Variants in HOXD11 observed in about 807,000 individuals in gnomAD.
The protein encoded by HOXD11 is homeobox D11.
HOXD11 carries 16 observed loss-of-function variants against 23.1 expected under a neutral mutation model. That is an observed-to-expected ratio of 0.69 (90% CI 0.47 to 1.05). The LOEUF (loss-of-function observed/expected upper bound fraction) is 1.05, where lower values mean the gene tolerates loss of function less well. Among genes scored for constraint, HOXD11 ranks in the 50% least tolerant of loss-of-function variants. The pLI is 0.00. For synonymous variants in HOXD11, 262 were observed against 224.4 expected, an observed-to-expected ratio of 1.17 and a Z score of -1.50; for missense variants, 564 against 495.6, an observed-to-expected ratio of 1.14 and a Z score of -1.31.
intron 1 of HOXD11, 85 bp from the exon 2 acceptor site, chr2:176,108,822 C>G: frequency 1.1e-6 from 1 of 908,132 alleles, no homozygotes; most frequent in Non-Finnish European, 1.7e-6. Context: ...CAGGGCCTGG[C>G]CCTCGCTCAG....
chr2:176,109,757 C>T (rs1294654489), downstream of HOXD11: 1 of 179,284 alleles, frequency 5.6e-6, no homozygotes, highest in East Asian at 9.3e-5. Context: ...CTTTTTAGTC[C>T]CACTAAAATA....
Position 176,107,434 on chromosome 2 carries a change from G to A in HOXD11, c.79G>A (p.Asp27Asn). ...CTGCGCCTACTATGTGGCCCCGTCTGACTTCGCTAGCAAGCCTTCGTTCCT... is the reference window on the plus strand; with the variant it reads ...CTGCGCCTACTATGTGGCCCCGTCTAACTTCGCTAGCAAGCCTTCGTTCCT... ...PGCAYYVAPS[D>N]FASKPSFLSQ... Residue 27 changes from aspartate to asparagine, a missense_variant, in exon 1 of 2, where the codon GAC (aspartate) becomes AAC (asparagine). By Grantham distance (23) the Asp-to-Asn change is conservative. Transcript: ENST00000249504. 1.2e-6 allele frequency: 2 copies of A among 1,613,922 alleles called. No homozygotes were observed. The highest frequency in any genetic ancestry group is 1.7e-6 in the Non-Finnish European group (2 of 1,179,924).
At position 176,109,436 on chromosome 2, in the gene HOXD11, G is replaced by C. The variant is rs1459505765; in HGVS notation, c.*294G>C. On this transcript the variant is annotated 3_prime_UTR_variant, in exon 2 of 2. Coordinates refer to ENST00000249504, the MANE Select transcript of HOXD11 (RefSeq NM_021192.3). The stretch of plus-strand genomic sequence containing the variant: ...CTCCCCCTCTCCGAGTCCTCGTGGG[G>C]ACACGGCGGGGTCTGTAGGAAGTTG... 2 of 370,720 alleles carry C rather than the reference G, an allele frequency of 5.4e-6. No homozygotes were observed. Among genetic ancestry groups the C allele is most frequent in the African/African-American group, 4.1e-5 (2 of 49,324 alleles). 23.0% of individuals were successfully genotyped at this position (370,720 alleles called of 1,614,324 possible). A position where few individuals can be genotyped will look rare whatever the true frequency, so the allele number is the denominator to read the frequency against.
chr2:176,110,761 A>G (rs75686465), downstream of HOXD11, among the ~76,000 whole-genome samples: 1,248 of 152,374 alleles, frequency 8.2e-3, 9 homozygotes, highest in African/African-American at 0.029. Context: ...ACACAAAATC[A>G]TACCAGGAGC....
At chr2:176,112,934 C>A (rs1335371493), downstream of HOXD11, among the ~76,000 whole-genome samples, 1 of 152,172 alleles carries the variant, frequency 6.6e-6, no homozygotes, top group Non-Finnish European at 1.5e-5. Flanking sequence ...GTGGGGCTTG[C>A]GGAGAGTGGC....
At chr2:176,113,248 G>A (rs114805641), downstream of HOXD11, among the ~76,000 whole-genome samples, 1,345 of 152,248 alleles carry the variant, frequency 8.8e-3, 19 homozygotes, top group African/African-American at 0.031. Context: ...CCCTAATCCG[G>A]GGTGACCCTA....
At chr2:176,110,730 G>A (rs2105389708), downstream of HOXD11, among the ~76,000 whole-genome samples, 1 of 152,220 alleles carries the variant, frequency 6.6e-6, no homozygotes, top group Middle Eastern at 3.4e-3. Flanking sequence ...CATATAGAGA[G>A]CCACACACAC....
At chr2:176,108,195 G>GGGGGGGGCC in intron 1 of HOXD11, 59 bp downstream of exon 1, 1 of 249,476 alleles carries the variant, frequency 4.0e-6, no homozygotes. Flanking sequence ...GGGGGGGGGG[G>GGGGGGGGCC]CGGAGGCCTC....
At chr2:176,113,048 C>G (rs1326419635), downstream of HOXD11, among the ~76,000 whole-genome samples, 6 of 152,192 alleles carry the variant, frequency 3.9e-5, no homozygotes, top group African/African-American at 1.4e-4. Context: ...CGGCCGCCGG[C>G]CCTTGTTGCA....
At chr2:176,114,341 T>C (rs1689718498), downstream of HOXD11, among the ~76,000 whole-genome samples, 1 of 152,186 alleles carries the variant, frequency 6.6e-6, no homozygotes, top group Non-Finnish European at 1.5e-5. Context: ...GTTTTGTTTT[T>C]CCGGCCATCC....
intron 1 of HOXD11, 160 bp from the exon 2 acceptor site, chr2:176,108,747 A>G (rs1689627019): frequency 1.8e-5 from 11 of 599,092 alleles, no homozygotes; most frequent in Non-Finnish European, 3.2e-5. Flanking sequence ...GTGCCCGCCC[A>G]TATATCATCC....
downstream of HOXD11, among the ~76,000 whole-genome samples, chr2:176,111,844 A>AC (rs1356941449): frequency 6.7e-6 from 1 of 149,220 alleles, no homozygotes; most frequent in African/African-American, 2.5e-5. Context: ...AAAAAAAAAA[A>AC]AAAAACCTTC....
chr2:176,114,362 C>T (rs145008507), downstream of HOXD11, among the ~76,000 whole-genome samples: 1,309 of 152,202 alleles, frequency 8.6e-3, 23 homozygotes, highest in African/African-American at 0.03. Context: ...TCAACCCCCA[C>T]CCCCAAGCTC....
chr2:176,111,847 A>C (rs1325411932), downstream of HOXD11, among the ~76,000 whole-genome samples: 1 of 148,958 alleles, frequency 6.7e-6, no homozygotes, highest in Non-Finnish European at 1.5e-5. Flanking sequence ...AAAAAAAAAA[A>C]AACCTTCATC....
At chr2:176,114,618 G>C (rs1026687602), downstream of HOXD11, among the ~76,000 whole-genome samples, 6 of 152,086 alleles carry the variant, frequency 3.9e-5, no homozygotes, top group African/African-American at 1.4e-4. Flanking sequence ...AATGTTCAAC[G>C]CTTGTTTCAA....
At chr2:176,112,402 C>T (rs898570905), downstream of HOXD11, among the ~76,000 whole-genome samples, 3 of 152,330 alleles carry the variant, frequency 2.0e-5, no homozygotes, top group East Asian at 3.9e-4. Context: ...TTTCCCTCCC[C>T]GAAGTTCATT....
chr2:176,114,981 G>T, the HOXD11 span, among the ~76,000 whole-genome samples: 2 of 152,272 alleles, frequency 1.3e-5, no homozygotes, highest in Non-Finnish European at 2.9e-5. Context: ...GCCCTGGCCG[G>T]CCCCTCACTC....
chr2:176,115,027 C>G, the HOXD11 span, among the ~76,000 whole-genome samples: 65 of 152,288 alleles, frequency 4.3e-4, no homozygotes, highest in Non-Finnish European at 7.5e-4. Flanking sequence ...TAAAGCTCCC[C>G]GCTGCTGCCC....
At chr2:176,112,600 C>A (rs1559115822), downstream of HOXD11, among the ~76,000 whole-genome samples, 2 of 152,222 alleles carry the variant, frequency 1.3e-5, no homozygotes, top group Non-Finnish European at 1.5e-5. Context: ...CCGCAGGCAA[C>A]CTTGGCTCCA....
Sources: allele counts gnomAD v4.1 joint callset (sites outside exome capture counted in the v4.1 genomes callset), GRCh38; gene constraint gnomAD v4.1.1; transcripts MANE v1.5; gene names NCBI Gene and HGNC (gene_info 2026-07-23, HGNC 2026-07-21).